Variants in ZNF687 observed in about 807,000 individuals in gnomAD.
ZNF687 encodes the protein zinc finger protein 687.
ZNF687 carries 13 observed loss-of-function variants against 71.8 expected under a neutral mutation model. That is an observed-to-expected ratio of 0.18 (90% CI 0.12 to 0.29). The LOEUF (loss-of-function observed/expected upper bound fraction) is 0.29. ZNF687 is among the 10% of genes least tolerant of loss of function. The pLI is 1.00. For synonymous variants in ZNF687, 673 were observed against 641.6 expected (o/e 1.05, Z -0.74); for missense variants, 1,412 against 1,625.6 (o/e 0.87, Z 2.26).
chr1:151,289,256 A>C lies in ZNF687; in HGVS notation c.2456A>C (p.Gln819Pro). The C allele has an allele frequency of 6.2e-7, 1 of 1,613,958 alleles. No individual in the cohort carries two copies. Among genetic ancestry groups the C allele is most frequent in the Middle Eastern group, 1.7e-4 (1 of 6,060 alleles). The change falls in exon 4 of 9, where the codon CAA becomes CCA. Residue 819 changes from glutamine (Q) to proline (P), a missense_variant. Gln to Pro is a moderately conservative substitution (Grantham distance 76). Around this residue, in one of 8 missense-constraint regions of ZNF687, gnomAD observed 106 missense variants for 146.0 expected, o/e 0.73. Transcript: ENST00000336715. Reference protein sequence around the residue: ...AHLYSQHPSFQTQQAKLIYKC... With the variant: ...AHLYSQHPSFPTQQAKLIYKC... Reference sequence around the variant, plus strand: ...CTCTACTCCCAGCATCCCAGCTTCCAAACTCAGCAGGCCAAGTGAGGCCCG... The same window carrying C: ...CTCTACTCCCAGCATCCCAGCTTCCCAACTCAGCAGGCCAAGTGAGGCCCG...
At chr1:151,283,379 C>A in intron 1 of ZNF687, 1 of 914,786 alleles carries the variant, frequency 1.1e-6, no homozygotes, top group Non-Finnish European at 1.3e-6. Flanking sequence ...GCCTCTTTGG[C>A]TTTTGGGGAA....
intron 1 of ZNF687, 45 bp downstream of exon 1, chr1:151,282,440 T>TGG (rs371688617): frequency 1.8e-4 from 172 of 978,036 alleles, no homozygotes; most frequent in Non-Finnish European, 2.1e-4. Context: ...TCCGCCCCCT[T>TGG]GGGGGGGGCG....
chr1:151,290,979 C>A lies in ZNF687; in HGVS notation c.3484C>A (p.Arg1162=). ...RHRFISHKKR[R]GVGKASALGL... Reference sequence around the variant, plus strand: ...CCGTTTCATCAGCCACAAGAAGAGACGGGGTGTGGGTAAAGCCAGTGCCCT... The same window carrying A: ...CCGTTTCATCAGCCACAAGAAGAGAAGGGGTGTGGGTAAAGCCAGTGCCCT... The change falls in exon 9 of 9, where the codon CGG becomes AGG. Residue 1162 remains arginine (R), a synonymous_variant. Transcript: ENST00000336715. 6.2e-7 allele frequency: 1 copy of A among 1,613,882 alleles called. No homozygotes were observed. Among genetic ancestry groups the A allele is most frequent in the Non-Finnish European group, 8.5e-7 (1 of 1,180,002 alleles).
In ZNF687 at chr1:151,282,369, T is replaced by G. The variant is rs1693746069; in HGVS notation, c.-44T>G. 1.0e-6 allele frequency: 1 copy of G among 990,912 alleles called. No individual in the cohort carries two copies. The highest frequency in any genetic ancestry group is 1.2e-6 in the Non-Finnish European group (1 of 832,224). 61.4% of individuals were successfully genotyped at this position (990,912 alleles called of 1,614,324 possible). A position where few individuals can be genotyped will look rare whatever the true frequency, so the allele number is the denominator to read the frequency against. Reference sequence around the variant, plus strand: ...CTGGAGCGGGGTAGAGACCGCCGGGTCTCGGCCCGCACCAGGAGCGGAACA... The same window carrying G: ...CTGGAGCGGGGTAGAGACCGCCGGGGCTCGGCCCGCACCAGGAGCGGAACA... On this transcript the variant is annotated 5_prime_UTR_variant, in exon 1 of 9. Transcript: ENST00000336715.
At chr1:151,289,617 G>A in intron 5 of ZNF687, 61 bp from the exon 6 acceptor site, 1 of 1,605,866 alleles carries the variant, frequency 6.2e-7, no homozygotes, top group Non-Finnish European at 8.5e-7. Flanking sequence ...TCAGAAGTGG[G>A]GGGCTTTGGC....
In ZNF687 at chr1:151,287,017, C is replaced by T; in HGVS notation, c.726C>T (p.Ser242=). 1.2e-5 allele frequency: 19 copies of T among 1,605,850 alleles called. No homozygotes were observed. The highest frequency in any genetic ancestry group is 1.6e-5 in the Non-Finnish European group (19 of 1,174,802). ...TAGCCCAACAAGGCTCAGGCTCCAGCCCTAAGGCCACGGACATCCCTGCCA... is the reference window on the plus strand; with the variant it reads ...TAGCCCAACAAGGCTCAGGCTCCAGTCCTAAGGCCACGGACATCCCTGCCA... The part of the protein sequence containing the change: ...QVLAQQGSGS[S]PKATDIPASA... The change falls in exon 2 of 9, where the codon AGC becomes AGT. Residue 242 remains serine (S), a synonymous_variant. Transcript: ENST00000336715. This position sits in a 1 kb window ranked among gnomAD's most constrained non-coding sequence, Gnocchi z 5.0.
intron 1 of ZNF687, 40 bp downstream of exon 1, chr1:151,282,435 C>T: frequency 2.0e-6 from 2 of 985,508 alleles, no homozygotes; most frequent in Non-Finnish European, 2.4e-6. Context: ...TTGGCTCCGC[C>T]CCCTTGGGGG....
upstream of ZNF687, chr1:151,282,086 T>G: frequency 7.8e-7 from 1 of 1,282,468 alleles, no homozygotes; most frequent in Non-Finnish European, 1.0e-6. Context: ...AGAGGTATCT[T>G]CAGAGGGCCT....
In ZNF687 at chr1:151,288,425, C is replaced by T; in HGVS notation, c.2115+19C>T. 1.9e-6 allele frequency: 3 copies of T among 1,597,652 alleles called. No individual in the cohort carries two copies. In the South Asian group the frequency reaches 3.4e-5, roughly 18 times the overall value. Reference sequence around the variant, plus strand: ...CAGCAATGTGAGTCACCTTTCACAGCCCTTCTGTGGGGACAGGATCTAGGA... The same window carrying T: ...CAGCAATGTGAGTCACCTTTCACAGTCCTTCTGTGGGGACAGGATCTAGGA... On this transcript the variant is annotated intron_variant, in intron 2 of 8. Coordinates refer to ENST00000336715, the MANE Select transcript of ZNF687 (RefSeq NM_020832.3).
rs767186243 is a variant in ZNF687 at position 151,286,735 on chromosome 1, C to T, written c.444C>T (p.Thr148=). The change falls in exon 2 of 9, where the codon ACC becomes ACT. Residue 148 remains threonine, a synonymous_variant. Transcript: ENST00000336715. ...PHSPAPPSGG[T]WKEKGMEGKT... is the part of the protein sequence containing the mutation. ...CTCCTGCTCCTCCCAGTGGGGGCAC[C>T]TGGAAAGAAAAAGGCATGGAAGGCA... 2 of 1,614,198 alleles carry T rather than the reference C, an allele frequency of 1.2e-6. No homozygotes were observed. The highest frequency in any genetic ancestry group is 1.7e-5 in the Admixed American group (1 of 60,022).
Position 151,286,329 on chromosome 1 carries a change from T to G in ZNF687, c.38T>G (p.Leu13Arg), listed in dbSNP as rs1693943736. The change falls in exon 2 of 9, where the codon CTT (leucine) becomes CGT (arginine). Residue 13 changes from leucine to arginine, a missense_variant. Around this residue, in one of 8 missense-constraint regions of ZNF687, gnomAD observed 490 missense variants for 489.9 expected, o/e 1.00. Transcript: ENST00000336715. ...AAGACCCCTGATTTTGATGACCTCC[T>G]TGCTGCCTTTGACATCCCTGACATT... ...DMKTPDFDDL[L>R]AAFDIPDIDA... 1 of 1,590,146 alleles carries G rather than the reference T, an allele frequency of 6.3e-7. No homozygotes were observed. Among genetic ancestry groups the G allele is most frequent in the Non-Finnish European group, 8.5e-7 (1 of 1,171,138 alleles).
At chr1:151,282,828 G>A (rs987286796) in intron 1 of ZNF687, among the ~76,000 whole-genome samples, 1 of 152,028 alleles carries the variant, frequency 6.6e-6, no homozygotes, top group African/African-American at 2.4e-5. Context: ...TTGCGCCCCC[G>A]GCCCCCTGCG....
chr1:151,286,878 C>G lies in ZNF687; in HGVS notation c.587C>G (p.Pro196Arg), dbSNP rs2101871067. ...GGGGCTCTGACCCCGCCTCCTTTCC[C>G]CTCTTCCTTTGAGCTGGCCCAGGAG... ...REGALTPPPF[P>R]SSFELAQENG... Residue 196 changes from proline to arginine, a missense_variant, in exon 2 of 9, where the codon CCC becomes CGC. Pro to Arg is a moderately radical substitution (Grantham distance 103). Transcript: ENST00000336715. The G allele has an allele frequency of 6.2e-7, 1 of 1,613,378 alleles. No individual in the cohort carries two copies.
At chr1:151,289,023 T>G (rs587746621) in intron 3 of ZNF687, 72 bp from the exon 4 acceptor site, 1 of 1,511,748 alleles carries the variant, frequency 6.6e-7, no homozygotes. Flanking sequence ...TCCCAGAGAA[T>G]AAATGTATGG....
At position 151,282,532 on chromosome 1, in the gene ZNF687, C is replaced by T. The variant is rs587663866; in HGVS notation, c.-18+137C>T. ...CCCTGGGGCGGCTTCTAGGAAGGCC[C>T]AGACACCGCCTCCATCCATTGGGGC... On this transcript the variant is annotated intron_variant, in intron 1 of 8. Coordinates refer to ENST00000336715, the MANE Select transcript of ZNF687 (RefSeq NM_020832.3). 1.3e-5 allele frequency: 7 copies of T among 521,316 alleles called. No homozygotes were observed. In the South Asian group the frequency reaches 5.5e-4, roughly 41 times the overall value. The allele number at this position is 521,316 out of a possible 1,614,324, so 32.3% of individuals were successfully genotyped here.
Position 151,287,024 on chromosome 1 carries a change from G to T in ZNF687, c.733G>T (p.Ala245Ser), listed in dbSNP as rs766864942. ...AQQGSGSSPK[A>S]TDIPASASPP... ...ACAAGGCTCAGGCTCCAGCCCTAAG[G>T]CCACGGACATCCCTGCCAGTGCCTC... Residue 245 changes from alanine (A) to serine (S), a missense_variant, in exon 2 of 9, where the codon GCC becomes TCC. Ala to Ser is a moderately conservative substitution (Grantham distance 99). Around this residue, in one of 8 missense-constraint regions of ZNF687, gnomAD observed 490 missense variants for 489.9 expected, o/e 1.00. Coordinates refer to ENST00000336715, the MANE Select transcript of ZNF687 (RefSeq NM_020832.3). This position sits in a 1 kb window ranked among gnomAD's most constrained non-coding sequence, Gnocchi z 5.0. 5.0e-6 allele frequency: 8 copies of T among 1,606,964 alleles called. No individual in the cohort carries two copies. The South Asian group carries it at 8.8e-5, about 18-fold the overall frequency.
chr1:151,287,168 C>G lies in ZNF687; in HGVS notation c.877C>G (p.Pro293Ala). Residue 293 changes from proline (P) to alanine (A), a missense_variant, in exon 2 of 9, where the codon CCA (proline) becomes GCA (alanine). Transcript: ENST00000336715. This position sits in a 1 kb window ranked among gnomAD's most constrained non-coding sequence, Gnocchi z 5.0. ...GAAGGAAGAAGATGATGATGAGGGG[C>G]CAGTGGACAAGTCTTCCCCAGGAAG... Reference protein sequence around the residue: ...PLKEEDDDEGPVDKSSPGSPQ... With the variant: ...PLKEEDDDEGAVDKSSPGSPQ... 1 of 1,614,174 alleles carries G rather than the reference C, an allele frequency of 6.2e-7. No homozygotes were observed. Among genetic ancestry groups the G allele is most frequent in the Middle Eastern group, 1.6e-4 (1 of 6,062 alleles).
chr1:151,289,566 G>T, intron 5 of ZNF687, 26 bp downstream of exon 5: 1 of 1,614,028 alleles, frequency 6.2e-7, no homozygotes, highest in Non-Finnish European at 8.5e-7. Context: ...GATGGGGAAT[G>T]GGTGCTTAGC....
At chr1:151,283,612 C>G (rs4522000) in intron 1 of ZNF687, among the ~76,000 whole-genome samples, 94,421 of 151,982 alleles carry the variant, frequency 0.62, 29,593 homozygotes, top group Middle Eastern at 0.68. Flanking sequence ...TTCTCCTAGT[C>G]CCCGCTGGTC....
Sources: allele counts gnomAD v4.1 joint callset (sites outside exome capture counted in the v4.1 genomes callset), GRCh38; gene constraint gnomAD v4.1.1; regional missense constraint gnomAD v4.1.1; non-coding constraint Gnocchi (gnomAD v3.1); transcripts MANE v1.5; gene names NCBI Gene and HGNC (gene_info 2026-07-23, HGNC 2026-07-21).